The following SPRYD4 variants were observed in gnomAD, a reference collection of about 807,000 sequenced individuals.
SPRYD4 encodes the protein SPRY domain containing 4, also known as SPRY domain-containing protein 4.
SPRYD4 carries 12 observed loss-of-function variants against 16.6 expected under a neutral mutation model. The ratio of observed to expected loss-of-function variants is 0.72; its 90% CI spans 0.46 to 1.17. The LOEUF is 1.17. Among genes scored for constraint, SPRYD4 ranks in the 50% most tolerant of loss-of-function variants. The probability of loss-of-function intolerance (pLI) is 0.00; values close to 1 mark genes in which losing one functional copy is unlikely to be tolerated. For missense variants in SPRYD4, 260 were observed against 260.2 expected (o/e 1.00, Z 0.00); for synonymous variants, 98 against 105.4 (o/e 0.93, Z 0.43).
In SPRYD4 at chr12:56,475,858, G is replaced by A; in HGVS notation, c.*6281G>A. 1 of 1,473,182 alleles carries A rather than the reference G, an allele frequency of 6.8e-7. No homozygotes were observed. 91.3% of individuals were successfully genotyped at this position (1,473,182 alleles called of 1,614,324 possible). On this transcript the variant is annotated 3_prime_UTR_variant, in exon 2 of 2. Coordinates refer to ENST00000338146, the MANE Select transcript of SPRYD4 (RefSeq NM_207344.4). ...CTAGTATGGGCTGGTGCACCTGGTA[G>A]TGGGGTTAGAGAGCCACTGGGGCAG...
intron 1 of SPRYD4, 87 bp downstream of exon 1, chr12:56,468,763 C>T: frequency 7.1e-7 from 1 of 1,413,934 alleles, no homozygotes; most frequent in Non-Finnish European, 9.9e-7. Context: ...AACTCCAACC[C>T]TCTCGGGTCT....
Position 56,471,152 on chromosome 12 carries a change from ATCTC to A in SPRYD4, c.*1580_*1583del. ...GTAGCTAGAGTCCCTCCACCAGAGT[ATCTC>A]TCTCATGATGGTTTCTTCAGGGAGA... is the stretch of plus-strand genomic sequence containing the variant. On this transcript the variant is annotated 3_prime_UTR_variant, in exon 2 of 2. Coordinates refer to ENST00000338146, the MANE Select transcript of SPRYD4 (RefSeq NM_207344.4). 2.4e-6 allele frequency: 1 copy of A among 420,360 alleles called. No homozygotes were observed. Among genetic ancestry groups the A allele is most frequent in the African/African-American group, 2.0e-5 (1 of 49,290 alleles). The allele number at this position is 420,360 out of a possible 1,614,324, so 26.0% of individuals were successfully genotyped here.
In SPRYD4 at chr12:56,474,551, G is replaced by T. The variant is rs1391513393; in HGVS notation, c.*4974G>T. On this transcript the variant is annotated 3_prime_UTR_variant, in exon 2 of 2. Coordinates refer to ENST00000338146, the MANE Select transcript of SPRYD4 (RefSeq NM_207344.4). ...GCAGAGCCAGAAACTCACGTGGAAG[G>T]CAAACTGGCCAGAGAAGTCATACAT... 6.2e-7 allele frequency: 1 copy of T among 1,613,886 alleles called. No individual in the cohort carries two copies. Among genetic ancestry groups the T allele is most frequent in the Admixed American group, 1.7e-5 (1 of 60,028 alleles).
chr12:56,468,609 A>T lies in SPRYD4; in HGVS notation c.18A>T (p.Ala6=), dbSNP rs1166608554. ...GGCGCAAGATGGCGCTGCTTTTTGC[A>T]CGTTCTTTGCGCTTGTGCCGCTGGG... MALLF[A]RSLRLCRWGA... is the part of the protein sequence containing the mutation. The change falls in exon 1 of 2, where the codon GCA becomes GCT. Residue 6 remains alanine (A), a synonymous_variant. Coordinates refer to ENST00000338146, the MANE Select transcript of SPRYD4 (RefSeq NM_207344.4). 6.2e-7 allele frequency: 1 copy of T among 1,613,648 alleles called. No homozygotes were observed. Among genetic ancestry groups the T allele is most frequent in the Admixed American group, 1.7e-5 (1 of 60,022 alleles).
rs1003058209 is a variant in SPRYD4, at chr12:56,477,533, C to T, written c.*7956C>T. On this transcript the variant is annotated 3_prime_UTR_variant, in exon 2 of 2. Transcript: ENST00000338146. Reference sequence around the variant, plus strand: ...GTGGGTCCCTGCTGTGCCTCATGTGCCTTCTGGGGACCCTCAAAGGAATCA... The same window carrying T: ...GTGGGTCCCTGCTGTGCCTCATGTGTCTTCTGGGGACCCTCAAAGGAATCA... 3.4e-5 allele frequency: 31 copies of T among 919,578 alleles called. No individual in the cohort carries two copies. The highest frequency in any genetic ancestry group is 4.7e-5 in the Non-Finnish European group (28 of 593,646). 57.0% of individuals were successfully genotyped at this position (919,578 alleles called of 1,614,324 possible). A position where few individuals can be genotyped will look rare whatever the true frequency, so the allele number is the denominator to read the frequency against.
Position 56,474,818 on chromosome 12 carries a change from C to T in SPRYD4, c.*5241C>T, listed in dbSNP as rs1300846948. 10 of 1,612,806 alleles carry T rather than the reference C, an allele frequency of 6.2e-6. No individual in the cohort carries two copies. The highest frequency in any genetic ancestry group is 1.7e-5 in the Admixed American group (1 of 59,890). On this transcript the variant is annotated 3_prime_UTR_variant, in exon 2 of 2. Coordinates refer to ENST00000338146, the MANE Select transcript of SPRYD4 (RefSeq NM_207344.4). ...AAGGGCAAGGACAGTCTGTCCTGTT[C>T]CCTCGGCCCTGAGCAGTGTTTTCTT...
In SPRYD4 at chr12:56,473,178, C is replaced by T. The variant is rs2657878; in HGVS notation, c.*3601C>T. On this transcript the variant is annotated 3_prime_UTR_variant, in exon 2 of 2. Transcript: ENST00000338146. ...TGCAGGGATTACAGGCGTGAGCCAC[C>T]GCACCTGGCCTTTGAAATATTCTTA... 0.17 allele frequency: 264,683 copies of T among 1,557,750 alleles called. 23,863 individuals are homozygous for T. The highest frequency in any genetic ancestry group is 0.2 in the Admixed American group (11,981 of 59,490).
Position 56,473,783 on chromosome 12 carries a change from T to C in SPRYD4, c.*4206T>C. ...CTTCCCTTAAATTCATTGATTCAGC[T>C]AGAAAATATTTTTTGAAATACTTAC... On this transcript the variant is annotated 3_prime_UTR_variant, in exon 2 of 2. Coordinates refer to ENST00000338146, the MANE Select transcript of SPRYD4 (RefSeq NM_207344.4). 4.6e-6 allele frequency: 3 copies of C among 654,492 alleles called. No homozygotes were observed. In the South Asian group the frequency reaches 9.0e-5, roughly 20 times the overall value. The allele number at this position is 654,492 out of a possible 1,614,324, so 40.5% of individuals were successfully genotyped here. A position where few individuals can be genotyped will look rare whatever the true frequency, so the allele number is the denominator to read the frequency against.
At position 56,473,398 on chromosome 12, in the gene SPRYD4, A is replaced by G; in HGVS notation, c.*3821A>G. ...GCTCAAAATTGCTTTATTATAGTAA[A>G]AGTGGTACCATTAAACAAATTTATT... On this transcript the variant is annotated 3_prime_UTR_variant, in exon 2 of 2. Transcript: ENST00000338146. The G allele has an allele frequency of 6.2e-7, 1 of 1,604,620 alleles. No individual in the cohort carries two copies.
Position 56,475,854 on chromosome 12 carries a change from G to T in SPRYD4, c.*6277G>T. On this transcript the variant is annotated 3_prime_UTR_variant, in exon 2 of 2. Coordinates refer to ENST00000338146, the MANE Select transcript of SPRYD4 (RefSeq NM_207344.4). ...GCTTCTAGTATGGGCTGGTGCACCT[G>T]GTAGTGGGGTTAGAGAGCCACTGGG... is the stretch of plus-strand genomic sequence containing the variant. 1.4e-6 allele frequency: 2 copies of T among 1,449,864 alleles called. No individual in the cohort carries two copies. Among genetic ancestry groups the T allele is most frequent in the Middle Eastern group, 1.8e-4 (1 of 5,712 alleles). 89.8% of individuals were successfully genotyped at this position (1,449,864 alleles called of 1,614,324 possible).
Position 56,477,530 on chromosome 12 carries a change from G to A in SPRYD4, c.*7953G>A, listed in dbSNP as rs11171862. 0.32 allele frequency: 275,180 copies of A among 869,052 alleles called. 45,488 individuals carry two copies. Among genetic ancestry groups the A allele is most frequent in the South Asian group, 0.48 (28,276 of 59,460 alleles). The allele number at this position is 869,052 out of a possible 1,614,324, so 53.8% of individuals were successfully genotyped here. ...CATGTGGGTCCCTGCTGTGCCTCAT[G>A]TGCCTTCTGGGGACCCTCAAAGGAA... is the stretch of plus-strand genomic sequence containing the variant. On this transcript the variant is annotated 3_prime_UTR_variant, in exon 2 of 2. Coordinates refer to ENST00000338146, the MANE Select transcript of SPRYD4 (RefSeq NM_207344.4).
Position 56,473,572 on chromosome 12 carries a change from G to T in SPRYD4, c.*3995G>T. ...CACCAGGAGGATGGCTCCTGATACAGCTGACTTGGCTGGCAGGCCCACCTG... is the reference window on the plus strand; with the variant it reads ...CACCAGGAGGATGGCTCCTGATACATCTGACTTGGCTGGCAGGCCCACCTG... On this transcript the variant is annotated 3_prime_UTR_variant, in exon 2 of 2. Coordinates refer to ENST00000338146, the MANE Select transcript of SPRYD4 (RefSeq NM_207344.4). 6.2e-7 allele frequency: 1 copy of T among 1,611,448 alleles called. No homozygotes were observed. Among genetic ancestry groups the T allele is most frequent in the Non-Finnish European group, 8.5e-7 (1 of 1,179,304 alleles).
Position 56,472,702 on chromosome 12 carries a change from G to A in SPRYD4, c.*3125G>A. 6.2e-7 allele frequency: 1 copy of A among 1,613,778 alleles called. No homozygotes were observed. Among genetic ancestry groups the A allele is most frequent in the South Asian group, 1.1e-5 (1 of 91,058 alleles). Reference sequence around the variant, plus strand: ...ACAGTAGCATTACCTTCGAAGAGCTGAGACATCGCCACTATAGGCAGCAAA... The same window carrying A: ...ACAGTAGCATTACCTTCGAAGAGCTAAGACATCGCCACTATAGGCAGCAAA... On this transcript the variant is annotated 3_prime_UTR_variant, in exon 2 of 2. Coordinates refer to ENST00000338146, the MANE Select transcript of SPRYD4 (RefSeq NM_207344.4).
rs373489667 is a variant in SPRYD4 at position 56,475,062 on chromosome 12, A to G, written c.*5485A>G. ...TGGTTACCTTCTTTTCCTTGAGATA[A>G]TAGCCGATGGCATAATTCCGATCCC... On this transcript the variant is annotated 3_prime_UTR_variant, in exon 2 of 2. Transcript: ENST00000338146. 5 of 1,614,038 alleles carry G rather than the reference A, an allele frequency of 3.1e-6. No individual in the cohort carries two copies. The highest frequency in any genetic ancestry group is 4.2e-6 in the Non-Finnish European group (5 of 1,180,048).
Position 56,475,325 on chromosome 12 carries a change from A to C in SPRYD4, c.*5748A>C. ...AAGTAAACCCAAACCAAACACCCCAAACTGTCTAGTCATCTAGGAAAACTG... is the reference window on the plus strand; with the variant it reads ...AAGTAAACCCAAACCAAACACCCCACACTGTCTAGTCATCTAGGAAAACTG... On this transcript the variant is annotated 3_prime_UTR_variant, in exon 2 of 2. Transcript: ENST00000338146. 8.0e-7 allele frequency: 1 copy of C among 1,250,036 alleles called. No individual in the cohort carries two copies. Among genetic ancestry groups the C allele is most frequent in the Non-Finnish European group, 1.1e-6 (1 of 917,964 alleles). The allele number at this position is 1,250,036 out of a possible 1,614,324, so 77.4% of individuals were successfully genotyped here. A position where few individuals can be genotyped will look rare whatever the true frequency, so the allele number is the denominator to read the frequency against.
In SPRYD4 at chr12:56,474,874, A is replaced by C; in HGVS notation, c.*5297A>C. ...GAAGTAGAGATCAAGGGCAGCCATC[A>C]TGTCCACCCCCTTAGGAAAGCACTG... On this transcript the variant is annotated 3_prime_UTR_variant, in exon 2 of 2. Transcript: ENST00000338146. 6.2e-7 allele frequency: 1 copy of C among 1,614,190 alleles called. No homozygotes were observed. The highest frequency in any genetic ancestry group is 8.5e-7 in the Non-Finnish European group (1 of 1,180,034).
chr12:56,474,867 A>G lies in SPRYD4; in HGVS notation c.*5290A>G, dbSNP rs779853749. ...TTACCTGGAAGTAGAGATCAAGGGCAGCCATCATGTCCACCCCCTTAGGAA... is the reference window on the plus strand; with the variant it reads ...TTACCTGGAAGTAGAGATCAAGGGCGGCCATCATGTCCACCCCCTTAGGAA... On this transcript the variant is annotated 3_prime_UTR_variant, in exon 2 of 2. Coordinates refer to ENST00000338146, the MANE Select transcript of SPRYD4 (RefSeq NM_207344.4). 2.5e-6 allele frequency: 4 copies of G among 1,614,218 alleles called. No homozygotes were observed. The East Asian group carries it at 8.9e-5, about 36-fold the overall frequency.
Position 56,472,151 on chromosome 12 carries a change from G to C in SPRYD4, c.*2574G>C, listed in dbSNP as rs756058907. On this transcript the variant is annotated 3_prime_UTR_variant, in exon 2 of 2. Coordinates refer to ENST00000338146, the MANE Select transcript of SPRYD4 (RefSeq NM_207344.4). ...TGCAGCAACATGCAGAGCTGTGCGCGAGTCATAGTCTTTCTGTTCCATATC... is the reference window on the plus strand; with the variant it reads ...TGCAGCAACATGCAGAGCTGTGCGCCAGTCATAGTCTTTCTGTTCCATATC... 3.7e-6 allele frequency: 6 copies of C among 1,614,152 alleles called. No individual in the cohort carries two copies. The highest frequency in any genetic ancestry group is 5.1e-6 in the Non-Finnish European group (6 of 1,180,020).
At position 56,477,871 on chromosome 12, in the gene SPRYD4, T is replaced by A. The variant is rs879887366; in HGVS notation, c.*8294T>A. The A allele has an allele frequency of 3.2e-6, 5 of 1,563,670 alleles. No individual in the cohort carries two copies. Among genetic ancestry groups the A allele is most frequent in the Non-Finnish European group, 2.6e-6 (3 of 1,150,218 alleles). Reference sequence around the variant, plus strand: ...CAGAGAAACAAAAAAGGCTGGGAGATGGGGTGGGGATAAGGAGAAGGGGAC... The same window carrying A: ...CAGAGAAACAAAAAAGGCTGGGAGAAGGGGTGGGGATAAGGAGAAGGGGAC... On this transcript the variant is annotated 3_prime_UTR_variant, in exon 2 of 2. Transcript: ENST00000338146.
Sources: gnomAD v4.1 joint callset for allele counts on GRCh38, gnomAD v4.1.1 for gene constraint, MANE v1.5 for transcripts, NCBI Gene and HGNC (gene_info 2026-07-23, HGNC 2026-07-21) for gene names.